PHLDB1: variants seen among roughly 807,000 people sequenced by gnomAD.
The protein encoded by PHLDB1 is pleckstrin homology like domain family B member 1.
PHLDB1 carries 65 observed loss-of-function variants against 139.3 expected under a neutral mutation model. The observed-to-expected ratio is 0.47, with a 90% confidence interval of 0.38 to 0.57. PHLDB1 has a LOEUF of 0.57. Among genes scored for constraint, PHLDB1 ranks in the 20% least tolerant of loss-of-function variants. The probability of loss-of-function intolerance (pLI) is 0.00; values close to 1 mark genes in which losing one functional copy is unlikely to be tolerated. For missense variants in PHLDB1, 1,624 were observed against 1,839.7 expected (o/e 0.88, Z 2.14); for synonymous variants, 679 against 734.5 (o/e 0.92, Z 1.22).
At position 118,612,645 on chromosome 11, in the gene PHLDB1, G is replaced by A. The variant is rs149184112; in HGVS notation, c.-21-1171G>A. Among the ~76,000 whole-genome samples the A allele has an allele frequency of 1.1e-3, 167 of 152,316 alleles. 1 individual carries two copies. Among genetic ancestry groups the A allele is most frequent in the East Asian group, 6.6e-3 (34 of 5,186 alleles). ...GACGGAGATGATGCAGTCCAGGTCC[G>A]GAAGGGTGGAAGCTGGGAGGGTAAA... On this transcript the variant is annotated intron_variant, in intron 1 of 22. Coordinates refer to ENST00000600882, the MANE Select transcript of PHLDB1 (RefSeq NM_001144758.3).
At chr11:118,647,723 G>A (rs1486091383) in intron 17 of PHLDB1, 32 of 522,274 alleles carry the variant, frequency 6.1e-5, no homozygotes, top group Non-Finnish European at 1.0e-4. Context: ...TGGTAGCGGG[G>A]CCAGGGTTTG....
chr11:118,651,524 A>G (rs1948341016), intron 20 of PHLDB1: 1 of 152,100 alleles, frequency 6.6e-6, no homozygotes, highest in Non-Finnish European at 1.5e-5. Flanking sequence ...ATGGTGTCTC[A>G]TGCCTGTAAT....
In PHLDB1 at chr11:118,645,829, A is replaced by C; in HGVS notation, c.3507+4A>C. 6.3e-7 allele frequency: 1 copy of C among 1,595,130 alleles called. No individual in the cohort carries two copies. The highest frequency in any genetic ancestry group is 1.1e-5 in the South Asian group (1 of 90,714). On this transcript the variant is annotated splice_donor_region_variant and intron_variant, in intron 17 of 22. Coordinates refer to ENST00000600882, the MANE Select transcript of PHLDB1 (RefSeq NM_001144758.3). The surrounding 1 kb of genome is among the most constrained non-coding windows in gnomAD (Gnocchi z 5.1). ...GAACCGGCTCATGGAGTCGAGGGTG[A>C]GTCTGACCTGGATCGGGGAGGCAGA... is the stretch of plus-strand genomic sequence containing the variant.
chr11:118,650,356 C>A lies in PHLDB1; in HGVS notation c.3772-89C>A. Reference sequence around the variant, plus strand: ...GGCCTGAGGAGATGTTGGGGACAATCCCCCATGAATACAGGCACAGGCGAT... The same window carrying A: ...GGCCTGAGGAGATGTTGGGGACAATACCCCATGAATACAGGCACAGGCGAT... On this transcript the variant is annotated intron_variant, in intron 19 of 22. Transcript: ENST00000600882. The surrounding 1 kb of genome is among the most constrained non-coding windows in gnomAD (Gnocchi z 4.7). 2 of 1,033,538 alleles carry A rather than the reference C, an allele frequency of 1.9e-6. No individual in the cohort carries two copies. The highest frequency in any genetic ancestry group is 3.1e-6 in the Non-Finnish European group (2 of 651,738). The allele number at this position is 1,033,538 out of a possible 1,614,324, so 64.0% of individuals were successfully genotyped here.
chr11:118,643,707 G>T, intron 13 of PHLDB1, 93 bp from the exon 14 acceptor site: 1 of 1,601,926 alleles, frequency 6.2e-7, no homozygotes. Context: ...CCTAGTGCCA[G>T]GGCGGTACGT....
intron 20 of PHLDB1, chr11:118,654,028 G>A (rs1483355490): frequency 3.3e-5 from 5 of 152,368 alleles, no homozygotes; most frequent in East Asian, 3.9e-4. Flanking sequence ...CAAGGCTGGA[G>A]GGACATGTTG....
intron 22 of PHLDB1, among the ~76,000 whole-genome samples, chr11:118,656,202 G>T (rs1438033869): frequency 3.3e-5 from 5 of 152,142 alleles, no homozygotes; most frequent in Non-Finnish European, 5.9e-5. Flanking sequence ...GATATTGGAG[G>T]CTGGGGCCTG....
chr11:118,655,944 A>G, intron 22 of PHLDB1, 52 bp downstream of exon 22: 1 of 1,346,978 alleles, frequency 7.4e-7, no homozygotes, highest in East Asian at 2.3e-5. Context: ...CCTGTACCCC[A>G]CTCATCCCTG....
rs760378904 is a variant in PHLDB1, at chr11:118,639,947, C to T, written c.2736+696C>T. On this transcript the variant is annotated intron_variant, in intron 12 of 22. Transcript: ENST00000600882. Reference sequence around the variant, plus strand: ...TCCCAGGGTCTTCTCAGGCTGGGGCCTCCTCTGTCTCTTTAACCCCACCTG... The same window carrying T: ...TCCCAGGGTCTTCTCAGGCTGGGGCTTCCTCTGTCTCTTTAACCCCACCTG... The T allele has an allele frequency of 1.1e-3, 1,097 of 986,146 alleles. 1 individual carries two copies. Among genetic ancestry groups the T allele is most frequent in the Non-Finnish European group, 1.2e-3 (1,026 of 830,300 alleles). 61.1% of individuals were successfully genotyped at this position (986,146 alleles called of 1,614,324 possible).
intron 7 of PHLDB1, 80 bp from the exon 8 acceptor site, chr11:118,631,833 G>T (rs1591606824): frequency 2.0e-6 from 3 of 1,474,988 alleles, no homozygotes; most frequent in Non-Finnish European, 1.8e-6. Flanking sequence ...CAAGTGCCTG[G>T]AGGAACAGGT....
chr11:118,644,381 G>C (rs1947105552), intron 15 of PHLDB1: 2 of 581,186 alleles, frequency 3.4e-6, no homozygotes, highest in South Asian at 4.0e-5. Context: ...AGGGCTTAGG[G>C]GGCTGTGACA....
At chr11:118,655,945 C>T in intron 22 of PHLDB1, 53 bp downstream of exon 22, 2 of 1,337,642 alleles carry the variant, frequency 1.5e-6, no homozygotes, top group Non-Finnish European at 1.1e-6. Flanking sequence ...CTGTACCCCA[C>T]TCATCCCTGA....
chr11:118,628,938 C>T (rs186720665), intron 6 of PHLDB1, among the ~76,000 whole-genome samples: 2 of 152,328 alleles, frequency 1.3e-5, no homozygotes, highest in East Asian at 1.9e-4. Flanking sequence ...TTTACCTGAG[C>T]ACAGTGAAGC....
At chr11:118,631,841 G>A (rs936445980) in intron 7 of PHLDB1, 72 bp from the exon 8 acceptor site, 2 of 1,496,586 alleles carry the variant, frequency 1.3e-6, no homozygotes, top group Non-Finnish European at 1.8e-6. Context: ...TGGAGGAACA[G>A]GTGATCCATT....
chr11:118,634,864 AGT>A (rs1453491554), intron 9 of PHLDB1: 1 of 328,190 alleles, frequency 3.0e-6, no homozygotes, highest in Non-Finnish European at 6.3e-6. Flanking sequence ...GGAGTTGAGG[AGT>A]GTGTGTTCTG....
rs1939986868 is a variant in PHLDB1 at position 118,610,618 on chromosome 11, C to G, written c.-22+2919C>G. The G allele has an allele frequency of 3.0e-6, 1 of 332,580 alleles. No homozygotes were observed. Among genetic ancestry groups the G allele is most frequent in the Non-Finnish European group, 4.3e-6 (1 of 232,952 alleles). The allele number at this position is 332,580 out of a possible 1,614,324, so 20.6% of individuals were successfully genotyped here. ...TGGTGCTCTGGGGCTGGCTTTGGACCTCTCGTCCTGGGACTCCGTGGGAGC... is the reference window on the plus strand; with the variant it reads ...TGGTGCTCTGGGGCTGGCTTTGGACGTCTCGTCCTGGGACTCCGTGGGAGC... On this transcript the variant is annotated intron_variant, in intron 1 of 22. Transcript: ENST00000600882. The surrounding 1 kb of genome is among the most constrained non-coding windows in gnomAD (Gnocchi z 8.7).
intron 6 of PHLDB1, chr11:118,629,836 A>G (rs973455196): frequency 3.8e-5 from 14 of 364,922 alleles, no homozygotes; most frequent in African/African-American, 1.9e-4. Flanking sequence ...CAACTCCTCC[A>G]TCAGTTTTCC....
At chr11:118,613,402 T>C (rs1186392417) in intron 1 of PHLDB1, 1 of 988,044 alleles carries the variant, frequency 1.0e-6, no homozygotes, top group Non-Finnish European at 1.2e-6. Flanking sequence ...GGGGGCCCTC[T>C]GGCTACCAGT....
chr11:118,656,012 A>G, intron 22 of PHLDB1, 120 bp downstream of exon 22: 3 of 772,458 alleles, frequency 3.9e-6, no homozygotes, highest in Non-Finnish European at 6.7e-6. Flanking sequence ...AGGAGCAGAA[A>G]GCAGGTTGCA....
Sources: allele counts gnomAD v4.1 joint callset (sites outside exome capture counted in the v4.1 genomes callset), GRCh38; gene constraint gnomAD v4.1.1; non-coding constraint Gnocchi (gnomAD v3.1); transcripts MANE v1.5; gene names NCBI Gene and HGNC (gene_info 2026-07-23, HGNC 2026-07-21).